SORCS3: variants seen among roughly 807,000 people sequenced by gnomAD.
SORCS3 encodes sortilin related VPS10 domain containing receptor 3.
In SORCS3, 57 loss-of-function variants were observed where a neutral mutation model predicts 146.3. That is an observed-to-expected ratio of 0.39 (90% CI 0.31 to 0.49). The LOEUF (loss-of-function observed/expected upper bound fraction) is 0.49. SORCS3 is among the 20% of genes least tolerant of loss of function. The pLI, the probability that SORCS3 is intolerant of heterozygous loss-of-function variation, is 0.92. For missense variants in SORCS3, 1,341 were observed against 1,575.5 expected (o/e 0.85, Z 2.52); for synonymous variants, 653 against 618.5 (o/e 1.06, Z -0.83).
chr10:105,126,335 C>T (rs189999262), intron 7 of SORCS3, among the ~76,000 whole-genome samples: 15 of 152,236 alleles, frequency 9.9e-5, no homozygotes, highest in African/African-American at 2.6e-4. Flanking sequence ...GCAACCTCTC[C>T]GGCTTGACTG....
chr10:104,739,229 C>T (rs2016813001), intron 1 of SORCS3, among the ~76,000 whole-genome samples: 1 of 152,174 alleles, frequency 6.6e-6, no homozygotes, highest in Non-Finnish European at 1.5e-5. Flanking sequence ...AATGAAAAGA[C>T]CATCTTGGTT....
chr10:104,871,572 G>T (rs2491376), intron 2 of SORCS3, among the ~76,000 whole-genome samples: 108,199 of 152,102 alleles, frequency 0.71, 38,900 homozygotes, highest in East Asian at 0.88. Flanking sequence ...GCAGCCTTCT[G>T]CAATGTGTCT....
chr10:104,785,672 T>C (rs981108448), intron 1 of SORCS3, among the ~76,000 whole-genome samples: 6 of 152,214 alleles, frequency 3.9e-5, no homozygotes, highest in Non-Finnish European at 8.8e-5. Context: ...TTTCTCTGTT[T>C]CCATAAAGCA....
intron 1 of SORCS3, among the ~76,000 whole-genome samples, chr10:104,724,023 G>A (rs934561183): frequency 1.3e-5 from 2 of 152,160 alleles, no homozygotes; most frequent in African/African-American, 4.8e-5. Flanking sequence ...TCATTATGAC[G>A]TTAGCTGGTG....
At chr10:104,664,533 T>C (rs915176526) in intron 1 of SORCS3, 2 of 152,232 alleles carry the variant, frequency 1.3e-5, no homozygotes, top group Admixed American at 6.5e-5. Flanking sequence ...GTCCTGCTTA[T>C]GTCACCACAT....
chr10:105,062,974 G>A (rs1007814223), intron 5 of SORCS3, among the ~76,000 whole-genome samples: 4 of 152,144 alleles, frequency 2.6e-5, no homozygotes, highest in Non-Finnish European at 5.9e-5. Flanking sequence ...GGAAGTGGGT[G>A]GAACGAAAGA....
At chr10:104,850,591 A>T (rs967789039) in intron 2 of SORCS3, among the ~76,000 whole-genome samples, 1 of 152,144 alleles carries the variant, frequency 6.6e-6, no homozygotes, top group Non-Finnish European at 1.5e-5. Flanking sequence ...CTCAAAAAGA[A>T]AATAAAAGCT....
chr10:105,249,391 T>A (rs958539345), intron 22 of SORCS3, among the ~76,000 whole-genome samples: 3 of 150,560 alleles, frequency 2.0e-5, no homozygotes, highest in Non-Finnish European at 4.4e-5. Flanking sequence ...TAAAGAGGAG[T>A]TGGGGGACAA....
rs2056983555 is a variant in SORCS3, at chr10:105,265,037, T to C, written c.*1663T>C. The C allele has an allele frequency of 6.6e-6, 1 of 152,592 alleles. No individual in the cohort carries two copies. The highest frequency in any genetic ancestry group is 2.1e-4 in the South Asian group (1 of 4,822). The allele number at this position is 152,592 out of a possible 1,614,324, so 9.5% of individuals were successfully genotyped here. A position where few individuals can be genotyped will look rare whatever the true frequency, so the allele number is the denominator to read the frequency against. Reference sequence around the variant, plus strand: ...AGGAATATTTCTAAAGATCCTGCTTTTTTGTTTCAAGGGTTAAATGGGGCA... The same window carrying C: ...AGGAATATTTCTAAAGATCCTGCTTCTTTGTTTCAAGGGTTAAATGGGGCA... On this transcript the variant is annotated 3_prime_UTR_variant, in exon 27 of 27. Coordinates refer to ENST00000369701, the MANE Select transcript of SORCS3 (RefSeq NM_014978.3).
At chr10:105,131,852 T>C (rs1414087627) in intron 7 of SORCS3, among the ~76,000 whole-genome samples, 1 of 152,056 alleles carries the variant, frequency 6.6e-6, no homozygotes, top group Non-Finnish European at 1.5e-5. Flanking sequence ...GCACGGACAG[T>C]ACCAAGGGAA....
At chr10:104,843,098 T>G (rs547887017) in intron 2 of SORCS3, among the ~76,000 whole-genome samples, 3 of 152,218 alleles carry the variant, frequency 2.0e-5, no homozygotes, top group Non-Finnish European at 4.4e-5. Flanking sequence ...TCTGTGCTTT[T>G]GGAGTGTCTC....
Position 105,247,347 on chromosome 10 carries a change from CT to C in SORCS3, c.3105+23del, listed in dbSNP as rs1288148929. 4 of 1,467,604 alleles carry C rather than the reference CT, an allele frequency of 2.7e-6. No individual in the cohort carries two copies. Among genetic ancestry groups the C allele is most frequent in the Non-Finnish European group, 1.9e-6 (2 of 1,049,918 alleles). The allele number at this position is 1,467,604 out of a possible 1,614,324, so 90.9% of individuals were successfully genotyped here. On this transcript the variant is annotated intron_variant, in intron 22 of 26. Transcript: ENST00000369701. ...TCTGGTTAAAGTAAGTTGGCTTTGT[CT>C]TTTTTTAAGTTCTTGTGAATAAAGA... is the stretch of plus-strand genomic sequence containing the variant.
chr10:105,001,607 T>C (rs2055061520), intron 4 of SORCS3, among the ~76,000 whole-genome samples: 1 of 152,230 alleles, frequency 6.6e-6, no homozygotes, highest in South Asian at 2.1e-4. Context: ...AGGTTCAGCT[T>C]CATGCTTACC....
At chr10:104,735,159 G>A (rs564950638) in intron 1 of SORCS3, among the ~76,000 whole-genome samples, 1 of 152,286 alleles carries the variant, frequency 6.6e-6, no homozygotes, top group East Asian at 1.9e-4. Context: ...CTTTCACGTG[G>A]CTCTCCTGCC....
At chr10:104,658,962 A>G (rs1234158143) in intron 1 of SORCS3, among the ~76,000 whole-genome samples, 1 of 152,158 alleles carries the variant, frequency 6.6e-6, no homozygotes, top group Non-Finnish European at 1.5e-5. Flanking sequence ...AAGTCGGTCA[A>G]CATCTGAGAC....
chr10:105,023,985 G>A (rs1348099971), intron 4 of SORCS3, among the ~76,000 whole-genome samples: 2 of 152,104 alleles, frequency 1.3e-5, no homozygotes, highest in Admixed American at 6.6e-5. Flanking sequence ...ACTTACTCAC[G>A]CAGGCAAGGA....
chr10:104,863,620 C>T (rs11192212), intron 2 of SORCS3, among the ~76,000 whole-genome samples: 71,498 of 151,966 alleles, frequency 0.47, 19,164 homozygotes, highest in East Asian at 0.72. Context: ...GAGCAGGATC[C>T]GTTTAAGTCT....
intron 2 of SORCS3, among the ~76,000 whole-genome samples, chr10:104,878,263 A>G (rs1381947142): frequency 6.6e-6 from 1 of 152,134 alleles, no homozygotes; most frequent in Admixed American, 6.6e-5. Flanking sequence ...ACAAGTTGAC[A>G]TGCTTATAGG....
chr10:105,019,125 G>T (rs574526017), intron 4 of SORCS3, among the ~76,000 whole-genome samples: 1 of 151,868 alleles, frequency 6.6e-6, no homozygotes, highest in African/African-American at 2.4e-5. Flanking sequence ...GTCCCTCTTT[G>T]CCTCTTCCAT....
Sources: allele counts gnomAD v4.1 joint callset (sites outside exome capture counted in the v4.1 genomes callset), GRCh38; gene constraint gnomAD v4.1.1; transcripts MANE v1.5; gene names NCBI Gene and HGNC (gene_info 2026-07-23, HGNC 2026-07-21).